The following PLCH2 variants were observed in gnomAD, a reference collection of about 807,000 sequenced individuals.
PLCH2 encodes phospholipase C eta 2.
PLCH2 carries 98 observed loss-of-function variants against 134.7 expected under a neutral mutation model. That is an observed-to-expected ratio of 0.73 (90% CI 0.62 to 0.86). The LOEUF is 0.86. Ranked by LOEUF, PLCH2 falls within the 40% of genes least tolerant of loss-of-function variation. PLCH2 has a pLI of 0.00. For synonymous variants in PLCH2, 974 were observed against 827.5 expected (o/e 1.18, Z -3.04); for missense variants, 1,994 against 1,986.6 (o/e 1.00, Z -0.07).
Position 2,504,309 on chromosome 1 carries a change from C to T in PLCH2, c.3347C>T (p.Pro1116Leu). 1.2e-6 allele frequency: 2 copies of T among 1,605,398 alleles called. No homozygotes were observed. The highest frequency in any genetic ancestry group is 1.7e-6 in the Non-Finnish European group (2 of 1,177,174). The change falls in exon 22 of 22, where the codon CCA becomes CTA. Residue 1116 changes from proline (P) to leucine (L), a missense_variant. By Grantham distance (98) the Pro-to-Leu change is moderately conservative (BLOSUM62 -3). Transcript: ENST00000378486. ...TGGCGGCCCCTGGCCGCTCCCTTTC[C>T]AGCTCCTGCCGTGTACTCCGATGCC... is the stretch of plus-strand genomic sequence containing the variant. ...GGWRPLAAPF[P>L]APAVYSDATG... is the part of the protein sequence containing the mutation.
chr1:2,435,978 C>T (rs569340844), intron 2 of PLCH2, among the ~76,000 whole-genome samples: 1 of 139,164 alleles, frequency 7.2e-6, no homozygotes, highest in African/African-American at 2.6e-5. Context: ...CTTCTTCCCT[C>T]CTCCCTTCTC....
intron 1 of PLCH2, among the ~76,000 whole-genome samples, chr1:2,470,306 G>A (rs374457520): frequency 6.6e-6 from 1 of 152,152 alleles, no homozygotes; most frequent in Non-Finnish European, 1.5e-5. Context: ...GACCCAGGGA[G>A]CACCTCACTG....
At chr1:2,463,265 C>A (rs1012017852), upstream of PLCH2, among the ~76,000 whole-genome samples, 5 of 152,310 alleles carry the variant, frequency 3.3e-5, no homozygotes, top group Middle Eastern at 3.4e-3. Flanking sequence ...GAGTCCCCTG[C>A]CTCAGTTTCC....
chr1:2,465,873 C>A (rs1318372069), upstream of PLCH2, among the ~76,000 whole-genome samples: 2 of 152,094 alleles, frequency 1.3e-5, no homozygotes, highest in East Asian at 3.9e-4. Flanking sequence ...GGAGGCGTGG[C>A]TGGGTCGGGA....
chr1:2,434,936 C>A (rs185193450), intron 2 of PLCH2, among the ~76,000 whole-genome samples: 1 of 152,306 alleles, frequency 6.6e-6, no homozygotes, highest in African/African-American at 2.4e-5. Context: ...GGAAGGCAGG[C>A]CCCTAGAAGT....
rs1384132116 is a variant in PLCH2, at chr1:2,502,295, C to T, written c.2845C>T (p.Leu949=). The change falls in exon 21 of 22, where the codon CTG becomes TTG. Residue 949 remains leucine (L), a synonymous_variant. Coordinates refer to ENST00000378486, the MANE Select transcript of PLCH2 (RefSeq NM_014638.4). ...PGRRGFPELV[L]GTRDTGSKGV... is the part of the protein sequence containing the mutation. ...CCGCAGGGGCTTCCCGGAGCTGGTC[C>T]TGGGTACACGGGACACAGGCTCCAA... 1.3e-6 allele frequency: 2 copies of T among 1,537,938 alleles called. No homozygotes were observed. Among genetic ancestry groups the T allele is most frequent in the Non-Finnish European group, 1.8e-6 (2 of 1,142,792 alleles).
At chr1:2,485,861 C>A (rs1033356857) in intron 5 of PLCH2, among the ~76,000 whole-genome samples, 13 of 152,202 alleles carry the variant, frequency 8.5e-5, no homozygotes, top group Admixed American at 3.9e-4. Context: ...TACCACAAAC[C>A]CAGAGCTGGC....
chr1:2,421,553 G>C (rs944138536), upstream of PLCH2, among the ~76,000 whole-genome samples: 6 of 152,164 alleles, frequency 3.9e-5, no homozygotes, highest in African/African-American at 1.4e-4. Flanking sequence ...CTGTCTAGTG[G>C]AAATGCCGTA....
At chr1:2,491,457 T>C (rs574525691) in intron 11 of PLCH2, 122 bp downstream of exon 11, 1 of 995,600 alleles carries the variant, frequency 1.0e-6, no homozygotes, top group African/African-American at 1.6e-5. Context: ...CACACAAATC[T>C]GCACACAAGC....
At chr1:2,442,106 G>C (rs1639719679) in intron 2 of PLCH2, among the ~76,000 whole-genome samples, 1 of 152,150 alleles carries the variant, frequency 6.6e-6, no homozygotes, top group Non-Finnish European at 1.5e-5. Flanking sequence ...TCCGCGGTGA[G>C]CTTTGCACCA....
chr1:2,432,020 C>T (rs1347072312), intron 2 of PLCH2, among the ~76,000 whole-genome samples: 14 of 152,180 alleles, frequency 9.2e-5, no homozygotes, highest in East Asian at 1.9e-4. Context: ...AGGACAGGCT[C>T]GGCTCTGCCT....
At chr1:2,443,823 G>A (rs1639806159) in intron 2 of PLCH2, among the ~76,000 whole-genome samples, 1 of 148,458 alleles carries the variant, frequency 6.7e-6, no homozygotes, top group African/African-American at 2.4e-5. Context: ...CTGGCGGGGC[G>A]ATGCCGCGGG....
chr1:2,485,936 G>C (rs1049620361), intron 5 of PLCH2, among the ~76,000 whole-genome samples: 9 of 152,262 alleles, frequency 5.9e-5, no homozygotes, highest in Admixed American at 6.5e-5. Context: ...AGCTTGCCAG[G>C]CTCCATCCCG....
At chr1:2,492,919 G>A (rs1017282421) in intron 11 of PLCH2, among the ~76,000 whole-genome samples, 1 of 152,094 alleles carries the variant, frequency 6.6e-6, no homozygotes, top group African/African-American at 2.4e-5. Flanking sequence ...GGGTAAGGAG[G>A]GGCCCCACCC....
At chr1:2,436,297 TCCTTCTTCCCTCCTC>T (rs1639358631) in intron 2 of PLCH2, among the ~76,000 whole-genome samples, 4 of 40,462 alleles carry the variant, frequency 9.9e-5, no homozygotes, top group East Asian at 1.3e-3. Flanking sequence ...CCTCCTTTCC[TCCTTCTTCCCTCCTC>T]CCTTCCTCCC....
the PLCH2 span, among the ~76,000 whole-genome samples, chr1:2,418,159 C>T: frequency 4.6e-5 from 7 of 152,208 alleles, no homozygotes; most frequent in East Asian, 3.9e-4. Context: ...CCGAGAATTC[C>T]GGGCAGAGCC....
At chr1:2,495,334 A>G (rs1294777459) in intron 12 of PLCH2, among the ~76,000 whole-genome samples, 154 bp from the exon 13 acceptor site, 1 of 152,130 alleles carries the variant, frequency 6.6e-6, no homozygotes, top group African/African-American at 2.4e-5. Flanking sequence ...GGCACCGAGG[A>G]GGCTTTGGCA....
chr1:2,435,395 C>T (rs989726157), intron 2 of PLCH2, among the ~76,000 whole-genome samples: 6 of 152,144 alleles, frequency 3.9e-5, no homozygotes, highest in Admixed American at 1.3e-4. Flanking sequence ...GGCTGACCAG[C>T]GCTCTCACAC....
At chr1:2,425,094 C>T (rs1432179449), upstream of PLCH2, among the ~76,000 whole-genome samples, 10 of 143,692 alleles carry the variant, frequency 7.0e-5, no homozygotes, top group African/African-American at 1.3e-4. Context: ...ACCCAGGAGG[C>T]GGAGGCTGCA....
Sources: gnomAD v4.1 joint callset for allele counts (sites outside exome capture counted in the v4.1 genomes callset) on GRCh38, gnomAD v4.1.1 for gene constraint, MANE v1.5 for transcripts, NCBI Gene and HGNC (gene_info 2026-07-23, HGNC 2026-07-21) for gene names.